UBE2E2: variants seen among roughly 807,000 people sequenced by gnomAD.
The protein encoded by UBE2E2 is ubiquitin-conjugating enzyme E2 E2.
Under a neutral mutation model 24.7 loss-of-function variants are expected in UBE2E2, and 6 were observed. The observed-to-expected ratio is 0.24, with a 90% CI of 0.13 to 0.48. The LOEUF is 0.48. Ranked by LOEUF, UBE2E2 falls within the 20% of genes least tolerant of loss-of-function variation. UBE2E2 has a pLI of 0.99. For synonymous variants in UBE2E2, 104 were observed against 83.6 expected (o/e 1.24, Z -1.33); for missense variants, 169 against 245.0 (o/e 0.69, Z 2.07).
intron 3 of UBE2E2, among the ~76,000 whole-genome samples, chr3:23,452,095 CTG>C (rs1276160531): frequency 5.3e-5 from 8 of 152,092 alleles, no homozygotes; most frequent in African/African-American, 1.9e-4. Flanking sequence ...ATTTCTTTGG[CTG>C]AAAGTGGGGA....
At chr3:23,523,154 C>T (rs1005469230) in intron 4 of UBE2E2, among the ~76,000 whole-genome samples, 1 of 152,124 alleles carries the variant, frequency 6.6e-6, no homozygotes, top group African/African-American at 2.4e-5. Context: ...CAGAAACATT[C>T]TATATAAACT....
chr3:23,451,588 G>T (rs1240714102), intron 3 of UBE2E2, among the ~76,000 whole-genome samples: 1 of 152,156 alleles, frequency 6.6e-6, no homozygotes, highest in Admixed American at 6.5e-5. Flanking sequence ...TTGTCTCTCT[G>T]CTATCAGTGT....
At chr3:23,466,297 A>G (rs892090836) in intron 3 of UBE2E2, among the ~76,000 whole-genome samples, 3 of 152,212 alleles carry the variant, frequency 2.0e-5, no homozygotes, top group South Asian at 2.1e-4. Context: ...GCAGGTACAC[A>G]TATAAGTGAG....
intron 3 of UBE2E2, among the ~76,000 whole-genome samples, chr3:23,477,104 G>C (rs1289831123): frequency 6.6e-6 from 1 of 151,084 alleles, no homozygotes; most frequent in Non-Finnish European, 1.5e-5. Flanking sequence ...TGTGTTTGCA[G>C]TGAATAAATT....
At chr3:23,429,729 A>G (rs1698010931) in intron 3 of UBE2E2, among the ~76,000 whole-genome samples, 1 of 152,234 alleles carries the variant, frequency 6.6e-6, no homozygotes, top group African/African-American at 2.4e-5. Flanking sequence ...GGAAGAAATT[A>G]GACTTTCTTC....
At chr3:23,423,014 T>C (rs1298562722) in intron 3 of UBE2E2, among the ~76,000 whole-genome samples, 2 of 152,224 alleles carry the variant, frequency 1.3e-5, no homozygotes, top group African/African-American at 4.8e-5. Flanking sequence ...TCTTAAAGGC[T>C]TGGTTTTTCT....
At chr3:23,424,572 T>C (rs1042456701) in intron 3 of UBE2E2, among the ~76,000 whole-genome samples, 1 of 152,094 alleles carries the variant, frequency 6.6e-6, no homozygotes, top group African/African-American at 2.4e-5. Context: ...CTTGTACAAA[T>C]TGTAGCACTA....
intron 5 of UBE2E2, among the ~76,000 whole-genome samples, chr3:23,572,653 A>G (rs1696254519): frequency 6.6e-6 from 1 of 152,110 alleles, no homozygotes; most frequent in Non-Finnish European, 1.5e-5. Flanking sequence ...TTCTGTTTCT[A>G]TGTTAATTCA....
chr3:23,204,341 T>C (rs1696069021), intron 1 of UBE2E2, among the ~76,000 whole-genome samples: 1 of 152,200 alleles, frequency 6.6e-6, no homozygotes, highest in South Asian at 2.1e-4. Context: ...CGGTGGCTGT[T>C]AGACCCATTT....
At chr3:23,475,296 A>G (rs923665179) in intron 3 of UBE2E2, among the ~76,000 whole-genome samples, 3 of 152,086 alleles carry the variant, frequency 2.0e-5, no homozygotes, top group African/African-American at 7.3e-5. Context: ...CTGTTGACTC[A>G]CAAATCTCTG....
intron 2 of UBE2E2, among the ~76,000 whole-genome samples, chr3:23,213,452 A>C (rs1217064663): frequency 6.6e-6 from 1 of 151,872 alleles, no homozygotes; most frequent in Non-Finnish European, 1.5e-5. Context: ...CAGCATTCTT[A>C]TTGTAGTCTT....
At position 23,273,436 on chromosome 3, in the gene UBE2E2, CAGG is replaced by C. The variant is rs549223580; in HGVS notation, c.227+56127_227+56129del. Among the ~76,000 whole-genome samples, 356 of 151,264 alleles carry C rather than the reference CAGG, an allele frequency of 2.4e-3. 3 individuals are homozygous for C. Among genetic ancestry groups the C allele is most frequent in the African/African-American group, 8.2e-3 (339 of 41,116 alleles). ...GTCCCAGCTACTTGGGAGGCTGAGG[CAGG>C]AGAATGGTGTGAACCCAGGAGGTGG... On this transcript the variant is annotated intron_variant, in intron 3 of 5. Transcript: ENST00000396703.
chr3:23,543,909 G>A (rs1200201994), intron 5 of UBE2E2, among the ~76,000 whole-genome samples: 1 of 152,012 alleles, frequency 6.6e-6, no homozygotes, highest in African/African-American at 2.4e-5. Flanking sequence ...CAGAAATAAA[G>A]CCAAATACAG....
At chr3:23,273,594 T>C (rs894885908) in intron 3 of UBE2E2, among the ~76,000 whole-genome samples, 2 of 151,972 alleles carry the variant, frequency 1.3e-5, no homozygotes, top group African/African-American at 2.4e-5. Context: ...GTTATAACAC[T>C]GATGAGAAAA....
chr3:23,539,296 T>TA (rs1388002049), intron 5 of UBE2E2, among the ~76,000 whole-genome samples: 1 of 152,230 alleles, frequency 6.6e-6, no homozygotes, highest in Non-Finnish European at 1.5e-5. Flanking sequence ...GATAGATTCT[T>TA]ACTAGAAATG....
chr3:23,303,636 C>T (rs1174852061), intron 3 of UBE2E2, among the ~76,000 whole-genome samples: 1 of 152,066 alleles, frequency 6.6e-6, no homozygotes, highest in Non-Finnish European at 1.5e-5. Flanking sequence ...AAAATAGACA[C>T]GTTATGCATG....
At chr3:23,311,113 T>A (rs190397874) in intron 3 of UBE2E2, among the ~76,000 whole-genome samples, 2 of 152,270 alleles carry the variant, frequency 1.3e-5, no homozygotes, top group East Asian at 1.9e-4. Context: ...CGGTGTTTGG[T>A]TTTTTGTCCT....
chr3:23,310,299 C>CT (rs1575551745), intron 3 of UBE2E2, among the ~76,000 whole-genome samples: 1 of 39,240 alleles, frequency 2.5e-5, no homozygotes, highest in Non-Finnish European at 4.5e-5. Flanking sequence ...AAAAGGCATG[C>CT]CTTTTTTTTT....
At chr3:23,247,386 C>T (rs9842014) in intron 3 of UBE2E2, among the ~76,000 whole-genome samples, 46,430 of 147,896 alleles carry the variant, frequency 0.31, 7,525 homozygotes, top group South Asian at 0.36. Context: ...GACGGAGTCT[C>T]GCTCTGTCAC....
Sources: gnomAD v4.1 joint callset for allele counts (sites outside exome capture counted in the v4.1 genomes callset) on GRCh38, gnomAD v4.1.1 for gene constraint, MANE v1.5 for transcripts, NCBI Gene and HGNC (gene_info 2026-07-23, HGNC 2026-07-21) for gene names.